CRYBG3: variants seen among roughly 807,000 people sequenced by gnomAD.
The protein encoded by CRYBG3 is very large A-kinase anchor protein.
CRYBG3 carries 127 observed loss-of-function variants against 244.2 expected under a neutral mutation model. The ratio of observed to expected loss-of-function variants is 0.52; its 90% CI spans 0.45 to 0.60. CRYBG3 has a LOEUF of 0.60. CRYBG3 is among the 20% of genes least tolerant of loss of function. CRYBG3 has a pLI of 0.00. For missense variants in CRYBG3, 3,325 were observed against 3,442.5 expected (o/e 0.97, Z 0.85); for synonymous variants, 1,132 against 1,195.8 (o/e 0.95, Z 1.10).
rs2039314876 is a variant in CRYBG3 at position 97,872,308 on chromosome 3, T to C, written c.1114T>C (p.Ser372Pro). The change falls in exon 4 of 22, where the codon TCT becomes CCT. Residue 372 changes from serine to proline, a missense_variant. By Grantham distance (74) the Ser-to-Pro change is moderately conservative. Around this residue, in one of 4 missense-constraint regions of CRYBG3, gnomAD observed 1,526 missense variants for 1,443.2 expected, o/e 1.06. Coordinates refer to ENST00000389622, the MANE Select transcript of CRYBG3 (RefSeq NM_153605.4). ...SQHHLSCEPVSQTNRNLVCSA... is the reference protein window; with the variant it reads ...SQHHLSCEPVPQTNRNLVCSA... ...GCACCATTTAAGTTGTGAACCGGTT[T>C]CTCAGACTAACAGAAATTTGGTATG... The C allele has an allele frequency of 1.6e-5, 25 of 1,535,958 alleles. No individual in the cohort carries two copies. The highest frequency in any genetic ancestry group is 2.0e-5 in the Non-Finnish European group (23 of 1,146,804).
intron 1 of CRYBG3, among the ~76,000 whole-genome samples, chr3:97,834,041 C>T (rs1031348663): frequency 2.0e-5 from 3 of 152,058 alleles, no homozygotes; most frequent in Admixed American, 2.0e-4. Context: ...CCAGGGAGGG[C>T]ATTAATCTAT....
chr3:97,914,436 A>G (rs1392490226), intron 16 of CRYBG3, among the ~76,000 whole-genome samples: 1 of 152,174 alleles, frequency 6.6e-6, no homozygotes, highest in Non-Finnish European at 1.5e-5. Context: ...GAATTCTAGG[A>G]CAAACTAGTC....
chr3:97,843,655 G>C (rs991458067), intron 2 of CRYBG3, among the ~76,000 whole-genome samples: 22 of 152,184 alleles, frequency 1.4e-4, no homozygotes, highest in Non-Finnish European at 1.5e-5. Context: ...CTTTTGGAGG[G>C]CTGAAGTTAA....
chr3:97,827,065 C>T (rs910360081), intron 1 of CRYBG3, among the ~76,000 whole-genome samples: 1 of 152,260 alleles, frequency 6.6e-6, no homozygotes, highest in Admixed American at 6.5e-5. Context: ...AATGGAAATG[C>T]TGCCCCTTGG....
Position 97,874,974 on chromosome 3 carries a change from G to C in CRYBG3, c.3780G>C (p.Glu1260Asp), listed in dbSNP as rs1323428541. The C allele has an allele frequency of 1.3e-6, 2 of 1,535,826 alleles. No individual in the cohort carries two copies. Among genetic ancestry groups the C allele is most frequent in the Non-Finnish European group, 1.7e-6 (2 of 1,146,848 alleles). ...CACTAACAGAAATACAACAGACAGA[G>C]GGTTTGGAAGAGCAAGGCATGGAAA... ...EVTLTEIQQT[E>D]GLEEQGMENM... Residue 1260 changes from glutamate to aspartate, a missense_variant, in exon 4 of 22, where the codon GAG becomes GAC. This residue lies in a region of CRYBG3 where 635 missense variants were observed against 771.7 expected (regional missense o/e 0.82). Coordinates refer to ENST00000389622, the MANE Select transcript of CRYBG3 (RefSeq NM_153605.4).
intron 2 of CRYBG3, among the ~76,000 whole-genome samples, chr3:97,858,883 A>G (rs934617597): frequency 1.3e-5 from 2 of 151,848 alleles, no homozygotes; most frequent in Non-Finnish European, 2.9e-5. Context: ...TTGCTTTTTC[A>G]TGTTTCTTGT....
In CRYBG3 at chr3:97,941,389, A is replaced by G. The variant is rs913003950; in HGVS notation, c.8664+83A>G. Reference sequence around the variant, plus strand: ...CTAGAATCCTGTCAAATCAACTGGCATGATAAAACAATGCAACTTCTTAGA... The same window carrying G: ...CTAGAATCCTGTCAAATCAACTGGCGTGATAAAACAATGCAACTTCTTAGA... On this transcript the variant is annotated intron_variant, in intron 20 of 21. Transcript: ENST00000389622. 6 of 990,454 alleles carry G rather than the reference A, an allele frequency of 6.1e-6. No individual in the cohort carries two copies. The African/African-American group carries it at 9.8e-5, about 16-fold the overall frequency. The allele number at this position is 990,454 out of a possible 1,614,324, so 61.4% of individuals were successfully genotyped here.
At chr3:97,917,056 G>A (rs1190885125) in intron 17 of CRYBG3, among the ~76,000 whole-genome samples, 1 of 152,050 alleles carries the variant, frequency 6.6e-6, no homozygotes, top group African/African-American at 2.4e-5. Context: ...AAAGATAGAG[G>A]TCTAAATTTG....
intron 2 of CRYBG3, among the ~76,000 whole-genome samples, chr3:97,852,993 A>C (rs1287863965): frequency 1.3e-5 from 2 of 152,058 alleles, no homozygotes; most frequent in Non-Finnish European, 2.9e-5. Context: ...GTCTGTTCAG[A>C]TTAATTGCCC....
intron 3 of CRYBG3, among the ~76,000 whole-genome samples, chr3:97,871,590 G>A (rs1197547585): frequency 1.3e-5 from 2 of 152,148 alleles, no homozygotes; most frequent in Non-Finnish European, 2.9e-5. Flanking sequence ...AGGTATGTAT[G>A]TAATCAGGTA....
In CRYBG3 at chr3:97,876,994, T is replaced by A. The variant is rs766608786; in HGVS notation, c.5800T>A (p.Ser1934Thr). The change falls in exon 4 of 22, where the codon TCC becomes ACC. Residue 1934 changes from serine to threonine, a missense_variant. Ser to Thr is a moderately conservative substitution (Grantham distance 58). This residue lies in a region of CRYBG3 where 450 missense variants were observed against 424.1 expected (regional missense o/e 1.06). Coordinates refer to ENST00000389622, the MANE Select transcript of CRYBG3 (RefSeq NM_153605.4). The part of the protein sequence containing the change: ...RLPTYFRGYE[S>T]PTLSKDYEGY... ...TCCTACATATTTCAGGGGATATGAATCCCCTACATTAAGTAAGGATTATGA... is the reference window on the plus strand; with the variant it reads ...TCCTACATATTTCAGGGGATATGAAACCCCTACATTAAGTAAGGATTATGA... The A allele has an allele frequency of 7.9e-6, 12 of 1,522,018 alleles. No individual in the cohort carries two copies. The highest frequency in any genetic ancestry group is 1.1e-5 in the Non-Finnish European group (12 of 1,138,394). 94.3% of individuals were successfully genotyped at this position (1,522,018 alleles called of 1,614,324 possible).
intron 1 of CRYBG3, among the ~76,000 whole-genome samples, 176 bp from the exon 2 acceptor site, chr3:97,843,019 T>G (rs75146246): frequency 6.6e-6 from 1 of 152,208 alleles, no homozygotes; most frequent in Non-Finnish European, 1.5e-5. Flanking sequence ...ATGAACATTT[T>G]TGAATGCATT....
chr3:97,860,933 A>T (rs1309624733), intron 2 of CRYBG3, among the ~76,000 whole-genome samples: 1 of 151,994 alleles, frequency 6.6e-6, no homozygotes, highest in African/African-American at 2.4e-5. Context: ...CTTTTGTATC[A>T]CAAGGGACCA....
At chr3:97,924,200 T>C (rs1304019241) in intron 17 of CRYBG3, 3 of 329,342 alleles carry the variant, frequency 9.1e-6, no homozygotes, top group African/African-American at 4.5e-5. Flanking sequence ...GTTAAATAAA[T>C]GGTGTTGAGA....
chr3:97,933,408 C>A (rs2040120034), intron 17 of CRYBG3: 7 of 436,460 alleles, frequency 1.6e-5, no homozygotes, highest in Non-Finnish European at 2.6e-5. Flanking sequence ...TACCACAAGA[C>A]CTTAATCTGT....
chr3:97,935,589 T>C (rs962553033), intron 18 of CRYBG3, among the ~76,000 whole-genome samples: 2 of 152,100 alleles, frequency 1.3e-5, no homozygotes, highest in African/African-American at 4.8e-5. Context: ...CCACAACTTA[T>C]GCTCAAGTTG....
At chr3:97,836,636 C>A (rs370041318) in intron 1 of CRYBG3, among the ~76,000 whole-genome samples, 1 of 151,956 alleles carries the variant, frequency 6.6e-6, no homozygotes, top group African/African-American at 2.4e-5. Context: ...GAAAAATATC[C>A]CAAGGGTAAT....
intron 1 of CRYBG3, among the ~76,000 whole-genome samples, chr3:97,823,057 T>C (rs1450441744): frequency 1.3e-5 from 2 of 152,210 alleles, no homozygotes; most frequent in African/African-American, 4.8e-5. Flanking sequence ...TTTCCAGCTG[T>C]CTTGGTTTCA....
chr3:97,889,043 G>A (rs1176481323), intron 9 of CRYBG3, among the ~76,000 whole-genome samples: 3 of 152,168 alleles, frequency 2.0e-5, no homozygotes, highest in Admixed American at 2.0e-4. Flanking sequence ...TCTGAAGTGG[G>A]ATTAAATCTT....
Sources: gnomAD v4.1 joint callset for allele counts (sites outside exome capture counted in the v4.1 genomes callset) on GRCh38, gnomAD v4.1.1 for gene constraint, gnomAD v4.1.1 regional missense constraint, MANE v1.5 for transcripts, NCBI Gene and HGNC (gene_info 2026-07-23, HGNC 2026-07-21) for gene names.